Variants in LRRC7 observed in about 807,000 individuals in gnomAD.
LRRC7 encodes the protein leucine rich repeat containing 7, also known as leucine-rich repeat-containing protein 7.
LRRC7 carries 23 observed loss-of-function variants against 175.7 expected under a neutral mutation model. That is an observed-to-expected ratio of 0.13 (90% CI 0.09 to 0.19). The LOEUF is 0.19. Among genes scored for constraint, LRRC7 ranks in the 10% least tolerant of loss-of-function variants. The pLI is 1.00. For missense variants in LRRC7, 1,354 were observed against 1,904.7 expected (o/e 0.71, Z 5.38); for synonymous variants, 685 against 680.9 (o/e 1.01, Z -0.09).
rs190281068 is a variant in LRRC7 at position 70,088,150 on chromosome 1, A to G, written c.4453-1577A>G. The stretch of plus-strand genomic sequence containing the variant: ...TCTTCCAGTATGTAGCTATGTAAAT[A>G]CAAAATATATGCCAAAGTGTGTCAT... On this transcript the variant is annotated intron_variant, in intron 24 of 26. Transcript: ENST00000651989. 2.2e-4 allele frequency among the ~76,000 whole-genome samples: 34 copies of G among 152,368 alleles called. No individual in the cohort carries two copies. In the East Asian group the frequency reaches 6.6e-3, roughly 29 times the overall value.
At chr1:70,090,493 G>A (rs570104406) in intron 25 of LRRC7, among the ~76,000 whole-genome samples, 23 of 152,078 alleles carry the variant, frequency 1.5e-4, no homozygotes, top group African/African-American at 4.6e-4. Flanking sequence ...GCCTGACGCC[G>A]ATGTGAACCA....
intron 7 of LRRC7, among the ~76,000 whole-genome samples, chr1:69,916,099 T>TTG (rs1553174030): frequency 1.3e-3 from 31 of 24,394 alleles, no homozygotes; most frequent in African/African-American, 3.2e-3. Context: ...TATACATATT[T>TTG]TATATATAAT....
chr1:69,757,152 T>C (rs925244566), intron 2 of LRRC7, among the ~76,000 whole-genome samples: 1 of 151,994 alleles, frequency 6.6e-6, no homozygotes, highest in East Asian at 1.9e-4. Context: ...ATATTAATAC[T>C]TTCTACTTAA....
intron 12 of LRRC7, among the ~76,000 whole-genome samples, chr1:70,012,280 T>G (rs1656578412): frequency 6.6e-6 from 1 of 151,980 alleles, no homozygotes; most frequent in Non-Finnish European, 1.5e-5. Flanking sequence ...ACTTTTTAAA[T>G]GTACATATGC....
chr1:70,099,596 A>C (rs2102194075), intron 25 of LRRC7, among the ~76,000 whole-genome samples: 1 of 152,320 alleles, frequency 6.6e-6, no homozygotes, highest in Non-Finnish European at 1.5e-5. Context: ...TGTGATTTTA[A>C]AATAGTGCAG....
chr1:69,624,350 CATATAT>C (rs1375623229), intron 1 of LRRC7, among the ~76,000 whole-genome samples: 4 of 152,008 alleles, frequency 2.6e-5, no homozygotes, highest in African/African-American at 9.7e-5. Context: ...TAAAGATGCA[CATATAT>C]ATATGTATAT....
intron 1 of LRRC7, among the ~76,000 whole-genome samples, chr1:69,623,502 C>A (rs1415198565): frequency 6.8e-6 from 1 of 148,066 alleles, no homozygotes; most frequent in Non-Finnish European, 1.5e-5. Flanking sequence ...CTTCTAAGAA[C>A]AAATAGTTGA....
rs192929477 is a variant in LRRC7 at position 70,143,034 on chromosome 1, G to A, written c.*21147G>A. 2.5e-3 allele frequency: 385 copies of A among 152,026 alleles called. 1 individual carries two copies. The highest frequency in any genetic ancestry group is 8.7e-3 in the African/African-American group (360 of 41,474). 9.4% of individuals were successfully genotyped at this position (152,026 alleles called of 1,614,324 possible). A position where few individuals can be genotyped will look rare whatever the true frequency, so the allele number is the denominator to read the frequency against. ...GTTCTACTTCTACCTATATGAATTTGTATTTTCCCATATGCCAAACACACA... is the reference window on the plus strand; with the variant it reads ...GTTCTACTTCTACCTATATGAATTTATATTTTCCCATATGCCAAACACACA... On this transcript the variant is annotated 3_prime_UTR_variant, in exon 27 of 27. Coordinates refer to ENST00000651989, the MANE Select transcript of LRRC7 (RefSeq NM_001370785.2).
chr1:69,785,856 C>T (rs77273159), intron 3 of LRRC7, among the ~76,000 whole-genome samples: 3,750 of 152,246 alleles, frequency 0.025, 58 homozygotes, highest in Middle Eastern at 0.044. Flanking sequence ...CACTACCTCA[C>T]TCATTTTATT....
chr1:70,076,869 A>C (rs2102132094), intron 24 of LRRC7, among the ~76,000 whole-genome samples: 1 of 152,318 alleles, frequency 6.6e-6, no homozygotes, highest in Non-Finnish European at 1.5e-5. Flanking sequence ...CGCTCTTCAA[A>C]CCTATCTAAA....
intron 1 of LRRC7, among the ~76,000 whole-genome samples, chr1:69,600,973 G>C (rs138481239): frequency 0.014 from 2,131 of 151,870 alleles, 42 homozygotes; most frequent in African/African-American, 0.049. Flanking sequence ...CTGCCACTAT[G>C]CCCGGCTAAT....
chr1:69,939,582 A>G (rs969034056), intron 8 of LRRC7, among the ~76,000 whole-genome samples: 1 of 152,150 alleles, frequency 6.6e-6, no homozygotes, highest in Non-Finnish European at 1.5e-5. Flanking sequence ...TACAAAGTAG[A>G]AATTAGAAGA....
chr1:69,787,986 T>A (rs1674682902), intron 3 of LRRC7, among the ~76,000 whole-genome samples: 1 of 151,892 alleles, frequency 6.6e-6, no homozygotes, highest in Non-Finnish European at 1.5e-5. Flanking sequence ...CCTTCTTTCC[T>A]CCTTCCTTCC....
chr1:70,099,612 G>A (rs1036355612), intron 25 of LRRC7, among the ~76,000 whole-genome samples: 1 of 152,150 alleles, frequency 6.6e-6, no homozygotes, highest in Non-Finnish European at 1.5e-5. Context: ...TGCAGATAGT[G>A]TCAAAAAATT....
intron 1 of LRRC7, among the ~76,000 whole-genome samples, chr1:69,673,122 T>G (rs1659322726): frequency 6.6e-6 from 1 of 152,142 alleles, no homozygotes; most frequent in African/African-American, 2.4e-5. Context: ...TCTAAACAAG[T>G]GTACACAGCT....
rs951670047 is a variant in LRRC7 at position 69,802,959 on chromosome 1, C to A, written c.421+10799C>A. ...AATTCATTTGCAGTTTATTTCTATG[C>A]TCTATATGATCAAAATTTATCTTTT... On this transcript the variant is annotated intron_variant, in intron 4 of 26. Coordinates refer to ENST00000651989, the MANE Select transcript of LRRC7 (RefSeq NM_001370785.2). 7.3e-5 allele frequency among the ~76,000 whole-genome samples: 11 copies of A among 151,262 alleles called. No individual in the cohort carries two copies. In the South Asian group the frequency reaches 1.9e-3, roughly 26 times the overall value.
chr1:69,908,355 A>G (rs1452179765), intron 7 of LRRC7, among the ~76,000 whole-genome samples: 2 of 151,794 alleles, frequency 1.3e-5, no homozygotes, highest in Non-Finnish European at 2.9e-5. Context: ...TTGTGATGTT[A>G]GGGTGTCAAT....
chr1:69,590,600 TATAAA>T (rs1646591556), intron 1 of LRRC7, among the ~76,000 whole-genome samples: 1 of 152,120 alleles, frequency 6.6e-6, no homozygotes, highest in Non-Finnish European at 1.5e-5. Context: ...GTGAAACACA[TATAAA>T]AGAGACTGCA....
chr1:69,811,140 AT>A (rs1677806624), intron 4 of LRRC7, among the ~76,000 whole-genome samples: 1 of 152,250 alleles, frequency 6.6e-6, no homozygotes, highest in Non-Finnish European at 1.5e-5. Flanking sequence ...AAAAGAGGAC[AT>A]TTATGCAGCC....
Sources: allele counts gnomAD v4.1 joint callset (sites outside exome capture counted in the v4.1 genomes callset), GRCh38; gene constraint gnomAD v4.1.1; transcripts MANE v1.5; gene names NCBI Gene and HGNC (gene_info 2026-07-23, HGNC 2026-07-21).